MYT1L: variants seen among roughly 807,000 people sequenced by gnomAD.
MYT1L encodes myelin transcription factor 1-like protein.
In MYT1L, 12 loss-of-function variants were observed where a neutral mutation model predicts 126.7. The ratio of observed to expected loss-of-function variants is 0.09; its 90% CI spans 0.06 to 0.15. The LOEUF (loss-of-function observed/expected upper bound fraction) is 0.15, where lower values mean the gene tolerates loss of function less well. Among genes scored for constraint, MYT1L ranks in the 10% least tolerant of loss-of-function variants. The pLI, the probability that MYT1L is intolerant of heterozygous loss-of-function variation, is 1.00. For synonymous variants in MYT1L, 541 were observed against 604.2 expected, an observed-to-expected ratio of 0.90 and a Z score of 1.53; for missense variants, 979 against 1,585.2, an observed-to-expected ratio of 0.62 and a Z score of 6.49.
chr2:2,314,332 T>A (rs1418143608), intron 1 of MYT1L, among the ~76,000 whole-genome samples: 7 of 152,212 alleles, frequency 4.6e-5, no homozygotes, highest in Admixed American at 1.3e-4. Context: ...GAATACTTAA[T>A]TACACACTAT....
At chr2:2,226,041 G>T (rs537309663) in intron 2 of MYT1L, among the ~76,000 whole-genome samples, 2 of 152,260 alleles carry the variant, frequency 1.3e-5, no homozygotes, top group South Asian at 2.1e-4. Context: ...CACCAGAGGG[G>T]TGGGGATGAA....
At chr2:2,328,207 C>T (rs1428869756) in intron 1 of MYT1L, among the ~76,000 whole-genome samples, 2 of 152,136 alleles carry the variant, frequency 1.3e-5, no homozygotes, top group African/African-American at 2.4e-5. Context: ...TCACTTATTT[C>T]TTTTCCCTAA....
At position 1,899,242 on chromosome 2, in the gene MYT1L, G is replaced by A. The variant is rs576463662; in HGVS notation, c.2032+3838C>T. ...TTTTGTGGCCACTTGGCTCTGCCCT[G>A]CACTGTGGGAGCAACCGCAGCCTGC... On this transcript the variant is annotated intron_variant, in intron 14 of 24. Transcript: ENST00000647738. Among the ~76,000 whole-genome samples the A allele has an allele frequency of 2.0e-5, 3 of 152,378 alleles. No homozygotes were observed. In the East Asian group the frequency reaches 5.8e-4, roughly 29 times the overall value.
intron 21 of MYT1L, among the ~76,000 whole-genome samples, chr2:1,829,246 T>C (rs2039776662): frequency 6.6e-6 from 1 of 151,984 alleles, no homozygotes; most frequent in South Asian, 2.1e-4. Context: ...ATCTCTCACC[T>C]TCCAACCTTC....
At chr2:2,312,719 C>T (rs1369367235) in intron 1 of MYT1L, among the ~76,000 whole-genome samples, 2 of 152,088 alleles carry the variant, frequency 1.3e-5, no homozygotes, top group Non-Finnish European at 2.9e-5. Context: ...GTTTGGATCC[C>T]ATGGAGATAG....
At chr2:2,141,471 G>A (rs1447837772) in intron 3 of MYT1L, among the ~76,000 whole-genome samples, 1 of 152,062 alleles carries the variant, frequency 6.6e-6, no homozygotes, top group Admixed American at 6.6e-5. Context: ...GCATTATCCC[G>A]TGAGATAATG....
chr2:1,950,297 T>C (rs951300350), intron 8 of MYT1L, among the ~76,000 whole-genome samples: 7 of 152,230 alleles, frequency 4.6e-5, no homozygotes, highest in Middle Eastern at 3.4e-3. Flanking sequence ...AATAAGAATA[T>C]CTATTTTTCC....
chr2:2,319,204 T>G (rs1276426142), intron 1 of MYT1L: 3 of 152,188 alleles, frequency 2.0e-5, no homozygotes, highest in African/African-American at 7.2e-5. Context: ...ACAGGGGATC[T>G]TCCTGTTTGC....
At chr2:2,076,674 C>T (rs142281328) in intron 3 of MYT1L, among the ~76,000 whole-genome samples, 2 of 152,186 alleles carry the variant, frequency 1.3e-5, no homozygotes, top group East Asian at 3.9e-4. Flanking sequence ...AAACTAGTAG[C>T]AACAAAAATC....
chr2:2,183,915 GGA>G (rs550539272), intron 2 of MYT1L, among the ~76,000 whole-genome samples: 27 of 140,922 alleles, frequency 1.9e-4, no homozygotes, highest in African/African-American at 6.4e-4. Context: ...AAGGAAGGAA[GGA>G]GAGAGAGGAA....
intron 3 of MYT1L, among the ~76,000 whole-genome samples, chr2:2,152,033 G>A (rs2085881359): frequency 6.6e-6 from 1 of 152,222 alleles, no homozygotes; most frequent in Non-Finnish European, 1.5e-5. Context: ...TCCAGCCTGG[G>A]TGACAGAGCA....
chr2:1,863,866 T>C (rs2045074388), intron 18 of MYT1L, among the ~76,000 whole-genome samples: 1 of 152,160 alleles, frequency 6.6e-6, no homozygotes, highest in Non-Finnish European at 1.5e-5. Flanking sequence ...GTTCTGAACA[T>C]TCATAAATGT....
intron 3 of MYT1L, among the ~76,000 whole-genome samples, chr2:2,102,373 T>A (rs1399176610): frequency 6.6e-6 from 1 of 152,222 alleles, no homozygotes; most frequent in South Asian, 2.1e-4. Context: ...ATAGGTAAGT[T>A]GTTTACATGG....
intron 9 of MYT1L, among the ~76,000 whole-genome samples, chr2:1,933,735 G>A (rs1169514301): frequency 2.0e-5 from 3 of 152,144 alleles, no homozygotes; most frequent in Admixed American, 1.3e-4. Context: ...GTGCCCAGGT[G>A]TGCTATAGAA....
At chr2:2,169,728 C>T (rs1397817270) in intron 3 of MYT1L, among the ~76,000 whole-genome samples, 5 of 152,144 alleles carry the variant, frequency 3.3e-5, no homozygotes, top group Non-Finnish European at 5.9e-5. Context: ...GGTTGTGTGG[C>T]CTGGTCCTGT....
intron 14 of MYT1L, among the ~76,000 whole-genome samples, chr2:1,902,049 T>A (rs73186647): frequency 0.029 from 4,391 of 152,300 alleles, 206 homozygotes; most frequent in African/African-American, 0.099. Flanking sequence ...ATAAGACTTC[T>A]AAATCATCAG....
rs530649983 is a variant in MYT1L at position 2,200,795 on chromosome 2, C to T, written c.-420-27807G>A. Among the ~76,000 whole-genome samples the T allele has an allele frequency of 1.6e-4, 25 of 152,280 alleles. No individual in the cohort carries two copies. In the South Asian group the frequency reaches 4.6e-3, roughly 28 times the overall value. Reference sequence around the variant, plus strand: ...CCAGGGGGTTGCGCTCATGGCTGTTCGGCTCCGGTGTGTTGCTGAAGAGCT... The same window carrying T: ...CCAGGGGGTTGCGCTCATGGCTGTTTGGCTCCGGTGTGTTGCTGAAGAGCT... On this transcript the variant is annotated intron_variant, in intron 2 of 24. Coordinates refer to ENST00000647738, the MANE Select transcript of MYT1L (RefSeq NM_001303052.2).
Position 1,893,750 on chromosome 2 carries a change from G to A in MYT1L, c.2033-1463C>T, listed in dbSNP as rs12476079. ...GTGAAGCAAAAAGCTTTCTCACATTGCTGATACGGTCATTATGAGCAATGC... is the reference window on the plus strand; with the variant it reads ...GTGAAGCAAAAAGCTTTCTCACATTACTGATACGGTCATTATGAGCAATGC... On this transcript the variant is annotated intron_variant, in intron 14 of 24. Coordinates refer to ENST00000647738, the MANE Select transcript of MYT1L (RefSeq NM_001303052.2). 2.3e-3 allele frequency among the ~76,000 whole-genome samples: 356 copies of A among 152,274 alleles called. 1 individual carries two copies. Among genetic ancestry groups the A allele is most frequent in the African/African-American group, 7.7e-3 (320 of 41,552 alleles).
At chr2:2,032,864 A>C (rs1388523599) in intron 4 of MYT1L, among the ~76,000 whole-genome samples, 2 of 137,270 alleles carry the variant, frequency 1.5e-5, no homozygotes, top group Non-Finnish European at 3.1e-5. Flanking sequence ...GGCCTTATAC[A>C]ACCCTCGCCC....
Sources: gnomAD v4.1 joint callset for allele counts (sites outside exome capture counted in the v4.1 genomes callset) on GRCh38, gnomAD v4.1.1 for gene constraint, MANE v1.5 for transcripts, NCBI Gene and HGNC (gene_info 2026-07-23, HGNC 2026-07-21) for gene names.